TCN2: variants seen among roughly 807,000 people sequenced by gnomAD.
TCN2 encodes transcobalamin-2.
Under a neutral mutation model 48.6 loss-of-function variants are expected in TCN2, and 34 were observed. The observed-to-expected ratio is 0.70, with a 90% CI of 0.53 to 0.93. The LOEUF is 0.93. TCN2 is among the 40% of genes least tolerant of loss of function. TCN2 has a pLI of 0.00. For synonymous variants in TCN2, 283 were observed against 212.5 expected, an observed-to-expected ratio of 1.33 and a Z score of -2.89; for missense variants, 652 against 526.1, an observed-to-expected ratio of 1.24 and a Z score of -2.34.
chr22:30,610,037 C>T (rs142966073), intron 1 of TCN2, among the ~76,000 whole-genome samples: 8 of 152,268 alleles, frequency 5.3e-5, no homozygotes, highest in Non-Finnish European at 7.4e-5. Context: ...AGGTTACCTC[C>T]GAGGCAAACT....
chr22:30,607,880 T>TA (rs979494115), intron 1 of TCN2, among the ~76,000 whole-genome samples: 2 of 151,784 alleles, frequency 1.3e-5, no homozygotes, highest in African/African-American at 4.8e-5. Context: ...TAAAAAAAAT[T>TA]AAAAAATAGC....
At chr22:30,619,566 T>C (rs915825253) in intron 7 of TCN2, among the ~76,000 whole-genome samples, 4 of 152,204 alleles carry the variant, frequency 2.6e-5, no homozygotes, top group Non-Finnish European at 5.9e-5. Context: ...AATTCTCATG[T>C]TATCAGTGGG....
At chr22:30,616,487 C>CAAAA (rs58169513) in intron 6 of TCN2, among the ~76,000 whole-genome samples, 38 of 94,532 alleles carry the variant, frequency 4.0e-4, no homozygotes, top group African/African-American at 1.4e-3. Context: ...GACTATGTCT[C>CAAAA]AAAAAAAAAA....
At position 30,622,497 on chromosome 22, in the gene TCN2, G is replaced by C. The variant is rs544515848; in HGVS notation, c.1107-471G>C. Among the ~76,000 whole-genome samples the C allele has an allele frequency of 3.9e-5, 6 of 152,304 alleles. No homozygotes were observed. In the South Asian group the frequency reaches 8.3e-4, roughly 21 times the overall value. ...AGAGGAGGCTGAGCCATGCAGCCCC[G>C]AGAAGAGGGGAATGCCACTGAGCCA... On this transcript the variant is annotated intron_variant, in intron 7 of 8. Transcript: ENST00000215838.
In TCN2 at chr22:30,607,246, C is replaced by T. The variant is rs746943324; in HGVS notation, c.-86C>T. ...GAAGCTGCGTCTCTCGGAGCGGTGA[C>T]CAGCTGTGGTCAGGAGAGCCTCAGC... On this transcript the variant is annotated 5_prime_UTR_variant, in exon 1 of 9. Coordinates refer to ENST00000215838, the MANE Select transcript of TCN2 (RefSeq NM_000355.4). 1.0e-5 allele frequency: 15 copies of T among 1,431,900 alleles called. No individual in the cohort carries two copies. The highest frequency in any genetic ancestry group is 1.5e-5 in the Non-Finnish European group (15 of 1,015,102). 88.7% of individuals were successfully genotyped at this position (1,431,900 alleles called of 1,614,324 possible).
chr22:30,618,809 G>A (rs1037477772), intron 7 of TCN2, among the ~76,000 whole-genome samples: 4 of 151,788 alleles, frequency 2.6e-5, no homozygotes, highest in Non-Finnish European at 5.9e-5. Context: ...TCCCTCTGTC[G>A]CCCAGACTGG....
Position 30,610,855 on chromosome 22 carries a change from C to G in TCN2, c.65-16C>G. On this transcript the variant is annotated splice_polypyrimidine_tract_variant and intron_variant, in intron 1 of 8. Transcript: ENST00000215838. ...CCTGGCCCTGTGACCTCATTTGTAC[C>G]ATTTTCTTTTCTAAGAAATACCAGA... 2 of 1,614,120 alleles carry G rather than the reference C, an allele frequency of 1.2e-6. No homozygotes were observed. The highest frequency in any genetic ancestry group is 1.7e-6 in the Non-Finnish European group (2 of 1,179,974).
chr22:30,617,729 C>A, intron 7 of TCN2: 1 of 565,148 alleles, frequency 1.8e-6, no homozygotes, highest in Non-Finnish European at 3.1e-6. Flanking sequence ...CAGTTGGAAT[C>A]CCAACTCTAA....
intron 2 of TCN2, among the ~76,000 whole-genome samples, chr22:30,611,484 A>G (rs1309260327): frequency 1.3e-5 from 2 of 152,160 alleles, no homozygotes; most frequent in African/African-American, 2.4e-5. Context: ...GTAATCCATG[A>G]CCGCATTCTT....
chr22:30,620,508 C>T (rs192349528), intron 7 of TCN2, among the ~76,000 whole-genome samples: 1 of 152,360 alleles, frequency 6.6e-6, no homozygotes, highest in African/African-American at 2.4e-5. Context: ...TGAGGGCCAC[C>T]TCCGTTTCCT....
Position 30,607,240 on chromosome 22 carries a change from C to T in TCN2, c.-92C>T, listed in dbSNP as rs1474412327. On this transcript the variant is annotated 5_prime_UTR_variant, in exon 1 of 9. Coordinates refer to ENST00000215838, the MANE Select transcript of TCN2 (RefSeq NM_000355.4). ...TGACAGGAAGCTGCGTCTCTCGGAGCGGTGACCAGCTGTGGTCAGGAGAGC... is the reference window on the plus strand; with the variant it reads ...TGACAGGAAGCTGCGTCTCTCGGAGTGGTGACCAGCTGTGGTCAGGAGAGC... 4.5e-6 allele frequency: 6 copies of T among 1,338,628 alleles called. No homozygotes were observed. Among genetic ancestry groups the T allele is most frequent in the South Asian group, 2.3e-5 (2 of 85,464 alleles). 82.9% of individuals were successfully genotyped at this position (1,338,628 alleles called of 1,614,324 possible).
chr22:30,622,897 G>C lies in TCN2; in HGVS notation c.1107-71G>C, dbSNP rs2301958. The C allele has an allele frequency of 0.22, 335,639 of 1,508,600 alleles. 38,266 individuals are homozygous for C. Among genetic ancestry groups the C allele is most frequent in the Middle Eastern group, 0.27 (1,559 of 5,862 alleles). 93.5% of individuals were successfully genotyped at this position (1,508,600 alleles called of 1,614,324 possible). A position where few individuals can be genotyped will look rare whatever the true frequency, so the allele number is the denominator to read the frequency against. On this transcript the variant is annotated intron_variant, in intron 7 of 8. Transcript: ENST00000215838. ...GCTTGGAAGGGATTTTGCTGCTGTG[G>C]GTGAGCACTGCCTCTCCCCTTAGGG...
At chr22:30,607,436 G>A (rs773492205) in intron 1 of TCN2, 41 bp downstream of exon 1, 8 of 1,611,462 alleles carry the variant, frequency 5.0e-6, no homozygotes, top group Non-Finnish European at 5.9e-6. Context: ...TTCCTCCTGG[G>A]TCCTTAGTGG....
chr22:30,616,155 G>T (rs1488461722), intron 6 of TCN2, among the ~76,000 whole-genome samples: 2 of 152,176 alleles, frequency 1.3e-5, no homozygotes, highest in Admixed American at 1.3e-4. Flanking sequence ...CTCTGAGAGA[G>T]GGTCTGAGGA....
intron 6 of TCN2, among the ~76,000 whole-genome samples, chr22:30,616,637 C>T (rs1261250698): frequency 6.6e-6 from 1 of 151,986 alleles, no homozygotes; most frequent in African/African-American, 2.4e-5. Flanking sequence ...CCTGTCTTTA[C>T]TAAAATACGA....
At chr22:30,610,379 GCA>G in intron 1 of TCN2, 1 of 449,400 alleles carries the variant, frequency 2.2e-6, no homozygotes, top group East Asian at 7.0e-5. Flanking sequence ...TAAACGGGTA[GCA>G]CACACATTCA....
At chr22:30,618,412 C>T (rs928267309) in intron 7 of TCN2, among the ~76,000 whole-genome samples, 1 of 151,966 alleles carries the variant, frequency 6.6e-6, no homozygotes, top group Non-Finnish European at 1.5e-5. Context: ...AGTGCAGTGG[C>T]GCAATCTCGG....
chr22:30,621,651 T>A (rs1351284018), intron 7 of TCN2, among the ~76,000 whole-genome samples: 2 of 152,170 alleles, frequency 1.3e-5, no homozygotes, highest in Non-Finnish European at 2.9e-5. Flanking sequence ...CCCAGCCTAA[T>A]TTTTGTATTA....
intron 7 of TCN2, chr22:30,617,744 C>T: frequency 1.9e-6 from 1 of 530,546 alleles, no homozygotes; most frequent in South Asian, 2.0e-5. Context: ...CTCTAACCAG[C>T]TAGGTTCCAG....
Sources: gnomAD v4.1 joint callset for allele counts (sites outside exome capture counted in the v4.1 genomes callset) on GRCh38, gnomAD v4.1.1 for gene constraint, MANE v1.5 for transcripts, NCBI Gene and HGNC (gene_info 2026-07-23, HGNC 2026-07-21) for gene names.